Variants in MOBP observed in about 807,000 individuals in gnomAD.
MOBP encodes myelin associated oligodendrocyte basic protein.
Under a neutral mutation model 15.0 loss-of-function variants are expected in MOBP, and 5 were observed. The observed-to-expected ratio is 0.33, with a 90% confidence interval of 0.17 to 0.70. MOBP has a LOEUF of 0.70. Among genes scored for constraint, MOBP ranks in the 30% least tolerant of loss-of-function variants. The pLI is 0.67. For synonymous variants in MOBP, 88 were observed against 99.0 expected (o/e 0.89, Z 0.66); for missense variants, 188 against 257.8 (o/e 0.73, Z 1.85).
exon 5 of MOBP, chr3:39,514,371 G>C (rs1018117073): frequency 6.6e-6 from 1 of 152,278 alleles, no homozygotes; most frequent in Non-Finnish European, 1.5e-5. Flanking sequence ...ATACAGGGCT[G>C]CTTCCCCCCG....
At chr3:39,482,294 C>T (rs747215412) in intron 2 of MOBP, among the ~76,000 whole-genome samples, 12 of 152,128 alleles carry the variant, frequency 7.9e-5, no homozygotes, top group Non-Finnish European at 1.6e-4. Context: ...ATCACATGGC[C>T]TCCTGGAATG....
chr3:39,469,113 T>C (rs2042417730), intron 1 of MOBP, among the ~76,000 whole-genome samples: 1 of 79,338 alleles, frequency 1.3e-5, no homozygotes, highest in Non-Finnish European at 2.3e-5. Flanking sequence ...TGTGTGTATA[T>C]ATACATATAT....
At chr3:39,525,462 G>A (rs899820700), downstream of MOBP, 1 of 152,186 alleles carries the variant, frequency 6.6e-6, no homozygotes, top group Non-Finnish European at 1.5e-5. Context: ...ATGTAAAATG[G>A]ACAGTACTAG....
At chr3:39,481,544 A>G (rs1208500604) in intron 2 of MOBP, among the ~76,000 whole-genome samples, 1 of 152,044 alleles carries the variant, frequency 6.6e-6, no homozygotes, top group Non-Finnish European at 1.5e-5. Context: ...AATTTATCTC[A>G]TTACTACAAA....
intron 1 of MOBP, among the ~76,000 whole-genome samples, chr3:39,475,553 G>T (rs2042534311): frequency 6.6e-6 from 1 of 152,078 alleles, no homozygotes; most frequent in Non-Finnish European, 1.5e-5. Context: ...TAATTGGAAT[G>T]ATTCTTTAAG....
At chr3:39,490,794 C>A (rs1049691298) in intron 2 of MOBP, among the ~76,000 whole-genome samples, 6 of 152,154 alleles carry the variant, frequency 3.9e-5, no homozygotes, top group African/African-American at 1.4e-4. Context: ...AACGCTTGAC[C>A]TTGGGTGATC....
At chr3:39,498,591 C>T (rs1377475808) in intron 2 of MOBP, among the ~76,000 whole-genome samples, 3 of 151,938 alleles carry the variant, frequency 2.0e-5, no homozygotes, top group Admixed American at 6.6e-5. Context: ...CCTCGTGATC[C>T]GCCCGCCAGT....
chr3:39,499,895 T>C (rs1708057), intron 2 of MOBP: 92,506 of 397,050 alleles, frequency 0.23, 12,750 homozygotes, highest in African/African-American at 0.46. Context: ...CCCTCATCTT[T>C]GGCCAGATGA....
At chr3:39,500,026 A>G (rs905114556) in intron 2 of MOBP, 1 of 455,946 alleles carries the variant, frequency 2.2e-6, no homozygotes, top group African/African-American at 2.0e-5. Context: ...CTGGCCTTGT[A>G]TGACACTCAC....
At chr3:39,501,936 G>A in intron 2 of MOBP, 130 bp from the exon 3 acceptor site, 1 of 699,696 alleles carries the variant, frequency 1.4e-6, no homozygotes, top group Non-Finnish European at 2.5e-6. Flanking sequence ...CTTCCAGGGT[G>A]TTGCTCTGTA....
At chr3:39,483,968 C>G (rs1328151866) in intron 2 of MOBP, among the ~76,000 whole-genome samples, 1 of 152,182 alleles carries the variant, frequency 6.6e-6, no homozygotes, top group Non-Finnish European at 1.5e-5. Context: ...CAATCAGTGT[C>G]AACGTTCGTT....
chr3:39,486,465 C>T (rs2042712089), intron 2 of MOBP, among the ~76,000 whole-genome samples: 1 of 151,976 alleles, frequency 6.6e-6, no homozygotes, highest in African/African-American at 2.4e-5. Context: ...AAAATGCTCC[C>T]TGTGTTGTGA....
At chr3:39,522,131 A>G (rs1332134987) in intron 3 of MOBP, among the ~76,000 whole-genome samples, 2 of 152,210 alleles carry the variant, frequency 1.3e-5, no homozygotes, top group Non-Finnish European at 2.9e-5. Context: ...ACATCCCTCT[A>G]GTGGAATTCC....
At position 39,502,639 on chromosome 3, in the gene MOBP, A is replaced by G. The variant is rs2042990215; in HGVS notation, c.311A>G (p.Glu104Gly). The G allele has an allele frequency of 1.9e-6, 3 of 1,539,174 alleles. No individual in the cohort carries two copies. The highest frequency in any genetic ancestry group is 2.6e-6 in the Non-Finnish European group (3 of 1,149,384). The change falls in exon 4 of 4, where the codon GAG (glutamate) becomes GGG (glycine). Residue 104 changes from glutamate to glycine, a missense_variant. Glu to Gly is a moderately conservative substitution (Grantham distance 98). Coordinates refer to ENST00000684792, the MANE Select transcript of MOBP (RefSeq NM_001393704.1). This position sits in a 1 kb window ranked among gnomAD's most constrained non-coding sequence, Gnocchi z 6.3. ...AAGCCACGGTCCCCTCCGAGGTCTGAGCGTCAGCCACGGTCCCCTCCGAGG... is the reference window on the plus strand; with the variant it reads ...AAGCCACGGTCCCCTCCGAGGTCTGGGCGTCAGCCACGGTCCCCTCCGAGG... The part of the protein sequence containing the change: ...PAKPRSPPRS[E>G]RQPRSPPRSE...
chr3:39,481,160 TAAGAAAAACTA>T (rs2042622971), intron 2 of MOBP, among the ~76,000 whole-genome samples: 3 of 152,198 alleles, frequency 2.0e-5, no homozygotes, highest in Admixed American at 6.5e-5. Context: ...CCCAGGCTGC[TAAGAAAAACTA>T]AAGAAAAACA....
intron 2 of MOBP, 116 bp from the exon 3 acceptor site, chr3:39,501,949 GC>G (rs2042975726): frequency 2.5e-6 from 2 of 802,568 alleles, no homozygotes; most frequent in African/African-American, 1.7e-5. Context: ...GCTCTGTAGG[GC>G]CCCCCTGAAT....
At chr3:39,504,500 C>T (rs1398669), downstream of MOBP, among the ~76,000 whole-genome samples, 92,485 of 149,280 alleles carry the variant, frequency 0.62, 32,391 homozygotes, top group Non-Finnish European at 0.77. Flanking sequence ...GCTTTGACTC[C>T]CTCAGTTAAC....
At position 39,502,344 on chromosome 3, in the gene MOBP, T is replaced by TCCCG. The variant is rs572165027; in HGVS notation, c.206+71_206+74dup. On this transcript the variant is annotated intron_variant, in intron 3 of 3. Coordinates refer to ENST00000684792, the MANE Select transcript of MOBP (RefSeq NM_001393704.1). This position sits in a 1 kb window ranked among gnomAD's most constrained non-coding sequence, Gnocchi z 6.3. ...GTGGTCTCGGCTCCCAGCACGCCCC[T>TCCCG]CCCGCTCCGCACCCCACTCTTCCCC... is the stretch of plus-strand genomic sequence containing the variant. 3.8e-4 allele frequency: 601 copies of TCCCG among 1,598,848 alleles called. 4 individuals are homozygous for TCCCG. In the African/African-American group the frequency reaches 7.6e-3, roughly 20 times the overall value.
At chr3:39,504,955 A>G (rs2043030339), downstream of MOBP, among the ~76,000 whole-genome samples, 2 of 152,236 alleles carry the variant, frequency 1.3e-5, no homozygotes, top group South Asian at 4.1e-4. Context: ...ATTCTTAATA[A>G]CTCCCTTGGA....
Sources: allele counts gnomAD v4.1 joint callset (sites outside exome capture counted in the v4.1 genomes callset), GRCh38; gene constraint gnomAD v4.1.1; non-coding constraint Gnocchi (gnomAD v3.1); transcripts MANE v1.5; gene names NCBI Gene and HGNC (gene_info 2026-07-23, HGNC 2026-07-21).